The following SDCBP variants were observed in gnomAD, a reference collection of about 807,000 sequenced individuals.
SDCBP encodes the protein syndecan binding protein.
Under a neutral mutation model 30.5 loss-of-function variants are expected in SDCBP, and 22 were observed. The ratio of observed to expected loss-of-function variants is 0.72; its 90% CI spans 0.52 to 1.03. The LOEUF is 1.03. SDCBP is among the 50% of genes least tolerant of loss of function. The probability of loss-of-function intolerance (pLI) is 0.00; values close to 1 mark genes in which losing one functional copy is unlikely to be tolerated. For synonymous variants in SDCBP, 103 were observed against 118.7 expected (o/e 0.87, Z 0.86); for missense variants, 304 against 369.9 (o/e 0.82, Z 1.46).
chr8:58,565,179 T>C, intron 2 of SDCBP, 95 bp downstream of exon 2: 1 of 551,652 alleles, frequency 1.8e-6, no homozygotes, highest in Non-Finnish European at 3.1e-6. Flanking sequence ...AGCAGATATA[T>C]TTGTTCATTT....
chr8:58,569,154 T>C (rs901601274), intron 2 of SDCBP, among the ~76,000 whole-genome samples: 1 of 150,878 alleles, frequency 6.6e-6, no homozygotes, highest in African/African-American at 2.5e-5. Flanking sequence ...CAATTCTCCC[T>C]GCCTCAGCCT....
intron 7 of SDCBP, 102 bp from the exon 8 acceptor site, chr8:58,580,415 A>G: frequency 1.5e-6 from 1 of 645,830 alleles, no homozygotes. Context: ...AATTAGAAAT[A>G]CCAAGACATA....
intron 1 of SDCBP, among the ~76,000 whole-genome samples, chr8:58,563,839 C>T (rs748830348): frequency 1.3e-5 from 2 of 152,130 alleles, no homozygotes; most frequent in Non-Finnish European, 2.9e-5. Flanking sequence ...CTGAAGTTGC[C>T]GGATACCATG....
At position 58,579,716 on chromosome 8, in the gene SDCBP, T is replaced by C. The variant is rs145389847; in HGVS notation, c.672T>C (p.Asp224=). Residue 224 remains aspartate, a synonymous_variant, in exon 7 of 9, where the codon GAT becomes GAC. Transcript: ENST00000260130. ...GAAAAATAACATCCATAGTGAAAGA[T>C]AGCTCTGCAGCCAGAAATGGTCTTC... is the stretch of plus-strand genomic sequence containing the variant. ...KNGKITSIVK[D]SSAARNGLLT... The C allele has an allele frequency of 5.1e-3, 8,181 of 1,613,012 alleles. 28 individuals carry two copies. Among genetic ancestry groups the C allele is most frequent in the Middle Eastern group, 7.8e-3 (46 of 5,864 alleles).
At chr8:58,572,794 C>T (rs1805098364) in intron 4 of SDCBP, among the ~76,000 whole-genome samples, 1 of 137,494 alleles carries the variant, frequency 7.3e-6, no homozygotes, top group South Asian at 2.4e-4. Context: ...CTTTGTTGCT[C>T]ATAATCTTTT....
intron 1 of SDCBP, among the ~76,000 whole-genome samples, chr8:58,556,133 C>T (rs1338102829): frequency 6.6e-6 from 1 of 152,082 alleles, no homozygotes; most frequent in Non-Finnish European, 1.5e-5. Flanking sequence ...TTTATTATCC[C>T]AAGATGTTTT....
chr8:58,558,744 C>A (rs1396789289), intron 1 of SDCBP, among the ~76,000 whole-genome samples: 3 of 152,144 alleles, frequency 2.0e-5, no homozygotes, highest in African/African-American at 7.2e-5. Context: ...TTCAAAGTCA[C>A]CCTCTTTTAA....
rs77422315 is a variant in SDCBP at position 58,565,102 on chromosome 8, C to T, written c.51+18C>T. 35,892 of 1,435,812 alleles carry T rather than the reference C, an allele frequency of 0.025. 3,166 individuals carry two copies. In the East Asian group the frequency reaches 0.29, roughly 12 times the overall value. 88.9% of individuals were successfully genotyped at this position (1,435,812 alleles called of 1,614,324 possible). A position where few individuals can be genotyped will look rare whatever the true frequency, so the allele number is the denominator to read the frequency against. On this transcript the variant is annotated intron_variant, in intron 2 of 8. Transcript: ENST00000260130. ...TAATTCAGGTATGATAGTTTAAATA[C>T]TTTTGTCAAAACAAACACAGTAACA...
chr8:58,577,877 TTAA>T, intron 5 of SDCBP, 153 bp from the exon 6 acceptor site: 2 of 579,976 alleles, frequency 3.4e-6, no homozygotes, highest in Non-Finnish European at 5.9e-6. Context: ...AGGTGATAAC[TTAA>T]TATACTCATA....
chr8:58,567,099 G>A (rs1372428561), intron 2 of SDCBP, among the ~76,000 whole-genome samples: 2 of 147,866 alleles, frequency 1.4e-5, no homozygotes, highest in Non-Finnish European at 3.0e-5. Context: ...GAAACAATAG[G>A]CCCTGGCATG....
At chr8:58,572,022 C>A (rs1238633728) in intron 3 of SDCBP, among the ~76,000 whole-genome samples, 183 bp from the exon 4 acceptor site, 1 of 152,150 alleles carries the variant, frequency 6.6e-6, no homozygotes, top group East Asian at 1.9e-4. Flanking sequence ...TAAACATTTT[C>A]TGTATTTTCC....
chr8:58,554,198 C>T (rs774150574), intron 1 of SDCBP, among the ~76,000 whole-genome samples: 5 of 152,152 alleles, frequency 3.3e-5, no homozygotes, highest in Admixed American at 6.5e-5. Context: ...AAAGTACGCT[C>T]GGCTTACCAA....
At chr8:58,574,970 CATATG>C (rs1204662855) in intron 4 of SDCBP, among the ~76,000 whole-genome samples, 2 of 152,168 alleles carry the variant, frequency 1.3e-5, no homozygotes, top group African/African-American at 4.8e-5. Context: ...AGAACGTACT[CATATG>C]ATAACTGAGA....
chr8:58,581,128 T>G (rs1257773498), intron 8 of SDCBP, among the ~76,000 whole-genome samples: 1 of 151,758 alleles, frequency 6.6e-6, no homozygotes, highest in Non-Finnish European at 1.5e-5. Flanking sequence ...GTTCCTTCTA[T>G]AGAGCTTTTC....
At chr8:58,572,456 A>G in intron 4 of SDCBP, 142 bp downstream of exon 4, 1 of 581,844 alleles carries the variant, frequency 1.7e-6, no homozygotes, top group Non-Finnish European at 3.0e-6. Flanking sequence ...CCTTTTGGAT[A>G]TCATTTCTTA....
chr8:58,556,932 ATATT>A (rs1173225605), intron 1 of SDCBP, among the ~76,000 whole-genome samples: 2 of 126,530 alleles, frequency 1.6e-5, no homozygotes, highest in Non-Finnish European at 3.3e-5. Context: ...TATATAATAT[ATATT>A]ATTTATGAAT....
intron 1 of SDCBP, among the ~76,000 whole-genome samples, chr8:58,558,344 T>G (rs1432388384): frequency 6.6e-6 from 1 of 152,188 alleles, no homozygotes; most frequent in African/African-American, 2.4e-5. Flanking sequence ...TGTGGTGGTG[T>G]GACCACAGCT....
At chr8:58,576,300 A>G in intron 5 of SDCBP, 1 of 395,040 alleles carries the variant, frequency 2.5e-6, no homozygotes. Flanking sequence ...TTCTAACTGG[A>G]ATACATTTCA....
chr8:58,574,617 T>A (rs10090425), intron 4 of SDCBP, among the ~76,000 whole-genome samples: 61,258 of 151,978 alleles, frequency 0.4, 13,268 homozygotes, highest in African/African-American at 0.57. Flanking sequence ...ATTTCTGTTA[T>A]CTCTTCATAT....
Sources: allele counts gnomAD v4.1 joint callset (sites outside exome capture counted in the v4.1 genomes callset), GRCh38; gene constraint gnomAD v4.1.1; transcripts MANE v1.5; gene names NCBI Gene and HGNC (gene_info 2026-07-23, HGNC 2026-07-21).